The following GOLIM4 variants were observed in gnomAD, a reference collection of about 807,000 sequenced individuals.
GOLIM4 encodes golgi integral membrane protein 4.
In GOLIM4, 71 loss-of-function variants were observed where a neutral mutation model predicts 107.4. The observed-to-expected ratio is 0.66, with a 90% confidence interval of 0.55 to 0.81. The LOEUF is 0.81. Among genes scored for constraint, GOLIM4 ranks in the 30% least tolerant of loss-of-function variants. The pLI is 0.00. For synonymous variants in GOLIM4, 327 were observed against 294.8 expected (o/e 1.11, Z -1.12); for missense variants, 830 against 826.1 (o/e 1.00, Z -0.06).
intron 1 of GOLIM4, among the ~76,000 whole-genome samples, chr3:168,065,322 A>G (rs1418508508): frequency 6.6e-6 from 1 of 152,236 alleles, no homozygotes; most frequent in African/African-American, 2.4e-5. Flanking sequence ...GAGAGGAAAG[A>G]TTCAGTTTAG....
In GOLIM4 at chr3:168,052,636, C is replaced by T. The variant is rs920545517; in HGVS notation, c.188-4271G>A. Among the ~76,000 whole-genome samples, 3 of 152,268 alleles carry T rather than the reference C, an allele frequency of 2.0e-5. No individual in the cohort carries two copies. In the South Asian group the frequency reaches 6.2e-4, roughly 32 times the overall value. ...TTTTAGAAAACTTCACTATTAAGCA[C>T]ATACACACACATACGCACTACCTTT... On this transcript the variant is annotated intron_variant, in intron 1 of 15. Coordinates refer to ENST00000470487, the MANE Select transcript of GOLIM4 (RefSeq NM_014498.5).
chr3:168,078,171 AT>A (rs1721161342), intron 1 of GOLIM4, among the ~76,000 whole-genome samples: 1 of 152,138 alleles, frequency 6.6e-6, no homozygotes, highest in South Asian at 2.1e-4. Context: ...TTTGAATATA[AT>A]GAATAGACCT....
At chr3:168,058,843 G>A (rs1204236125) in intron 1 of GOLIM4, among the ~76,000 whole-genome samples, 2 of 152,106 alleles carry the variant, frequency 1.3e-5, no homozygotes, top group Admixed American at 6.5e-5. Context: ...CACAGTAATA[G>A]AAATAAAAGT....
At chr3:168,022,135 T>C (rs1717728547) in intron 14 of GOLIM4, among the ~76,000 whole-genome samples, 1 of 152,126 alleles carries the variant, frequency 6.6e-6, no homozygotes, top group Non-Finnish European at 1.5e-5. Flanking sequence ...TGGGTCCTCT[T>C]AGAGGCCAAG....
chr3:168,031,003 A>G (rs1160684834), intron 9 of GOLIM4, among the ~76,000 whole-genome samples: 1 of 152,252 alleles, frequency 6.6e-6, no homozygotes, highest in Non-Finnish European at 1.5e-5. Context: ...AATGTGGTAC[A>G]TATACACAGT....
At chr3:168,088,072 G>C (rs979741219) in intron 1 of GOLIM4, among the ~76,000 whole-genome samples, 1 of 151,962 alleles carries the variant, frequency 6.6e-6, no homozygotes, top group Non-Finnish European at 1.5e-5. Flanking sequence ...ACCATCTACT[G>C]GCAAAAGTAG....
chr3:168,095,337 G>A lies in GOLIM4; in HGVS notation c.-52C>T, dbSNP rs908695895. Reference sequence around the variant, plus strand: ...CCGCCCCCGCCGTCTCCTCCCCTTGGTCCGAGCGAGCGTCTCAGCAGCGGC... The same window carrying A: ...CCGCCCCCGCCGTCTCCTCCCCTTGATCCGAGCGAGCGTCTCAGCAGCGGC... On this transcript the variant is annotated 5_prime_UTR_variant, in exon 1 of 16. Transcript: ENST00000470487. 1.3e-6 allele frequency: 2 copies of A among 1,532,142 alleles called. No individual in the cohort carries two copies. Among genetic ancestry groups the A allele is most frequent in the East Asian group, 2.4e-5 (1 of 42,444 alleles). The allele number at this position is 1,532,142 out of a possible 1,614,324, so 94.9% of individuals were successfully genotyped here. A position where few individuals can be genotyped will look rare whatever the true frequency, so the allele number is the denominator to read the frequency against.
chr3:168,095,158 G>C lies in GOLIM4; in HGVS notation c.128C>G (p.Ala43Gly), dbSNP rs753118339. The change falls in exon 1 of 16, where the codon GCC (alanine) becomes GGC (glycine). Residue 43 changes from alanine (A) to glycine (G), a missense_variant. Ala to Gly is a moderately conservative substitution (Grantham distance 60). Transcript: ENST00000470487. ...CTGGTACTTGAGCGCCACCGCCTCG[G>C]CTTTCCGCAGCTGCGTCTGCAGCTC... ...YYELQTQLRK[A>G]EAVALKYQQH... The C allele has an allele frequency of 1.7e-5, 27 of 1,612,026 alleles. No individual in the cohort carries two copies. The highest frequency in any genetic ancestry group is 2.1e-5 in the Non-Finnish European group (25 of 1,178,634).
At chr3:168,057,106 G>A (rs1383726688) in intron 1 of GOLIM4, among the ~76,000 whole-genome samples, 7 of 152,040 alleles carry the variant, frequency 4.6e-5, no homozygotes, top group South Asian at 2.1e-4. Flanking sequence ...TTCTCATGAC[G>A]GTGAATAAGT....
chr3:168,037,369 C>A (rs1176923525), intron 7 of GOLIM4, among the ~76,000 whole-genome samples: 1 of 151,928 alleles, frequency 6.6e-6, no homozygotes, highest in Non-Finnish European at 1.5e-5. Flanking sequence ...AATACAAGTG[C>A]AAATACCTTT....
chr3:168,053,829 A>G (rs1193849641), intron 1 of GOLIM4, among the ~76,000 whole-genome samples: 1 of 152,202 alleles, frequency 6.6e-6, no homozygotes, highest in African/African-American at 2.4e-5. Flanking sequence ...TCCTTCTTCC[A>G]TAATTTTACC....
chr3:168,024,197 T>C (rs1717868047), intron 14 of GOLIM4, among the ~76,000 whole-genome samples: 1 of 152,170 alleles, frequency 6.6e-6, no homozygotes, highest in Non-Finnish European at 1.5e-5. Flanking sequence ...ATTCCCTCAA[T>C]GTGCAGAGGG....
At chr3:168,091,082 A>C (rs1336172095) in intron 1 of GOLIM4, among the ~76,000 whole-genome samples, 1 of 152,202 alleles carries the variant, frequency 6.6e-6, no homozygotes, top group Non-Finnish European at 1.5e-5. Context: ...CTTTGGGTGC[A>C]CTGAAAGCCC....
intron 10 of GOLIM4, 74 bp downstream of exon 10, chr3:168,029,706 C>T: frequency 6.4e-7 from 1 of 1,553,674 alleles, no homozygotes; most frequent in Non-Finnish European, 8.7e-7. Context: ...CACAAATGCA[C>T]AAAACTGTTT....
intron 14 of GOLIM4, among the ~76,000 whole-genome samples, chr3:168,021,867 TTAATC>T (rs1263836082): frequency 6.6e-6 from 1 of 152,158 alleles, no homozygotes; most frequent in African/African-American, 2.4e-5. Flanking sequence ...TCTTGGTCAT[TTAATC>T]TATATATTTT....
intron 1 of GOLIM4, among the ~76,000 whole-genome samples, chr3:168,063,381 T>C (rs1433057278): frequency 6.6e-6 from 1 of 152,192 alleles, no homozygotes; most frequent in East Asian, 1.9e-4. Context: ...AAGTATACTT[T>C]TTTTAAGATT....
chr3:168,036,950 C>A lies in GOLIM4; in HGVS notation c.729G>T (p.Arg243Ser). Residue 243 changes from arginine (R) to serine (S), a missense_variant, in exon 8 of 16, where the codon AGG (arginine) becomes AGT (serine). Physicochemically the swap from Arg to Ser is moderately radical, Grantham distance 110 (BLOSUM62 -1). Transcript: ENST00000470487. ...GATCAGGTTTTCGAAGGCTTGGAATCCTATTCAGAGTATCTTTCAGTTGTT... is the reference window on the plus strand; with the variant it reads ...GATCAGGTTTTCGAAGGCTTGGAATACTATTCAGAGTATCTTTCAGTTGTT... ...EYKQLKDTLNRIPSLRKPDPA... is the reference protein window; with the variant it reads ...EYKQLKDTLNSIPSLRKPDPA... The A allele has an allele frequency of 1.2e-6, 2 of 1,613,578 alleles. No individual in the cohort carries two copies. The highest frequency in any genetic ancestry group is 1.7e-6 in the Non-Finnish European group (2 of 1,179,546).
intron 8 of GOLIM4, among the ~76,000 whole-genome samples, chr3:168,035,548 C>T (rs565401364): frequency 6.6e-6 from 1 of 152,282 alleles, no homozygotes; most frequent in Non-Finnish European, 1.5e-5. Flanking sequence ...AACACAGGAA[C>T]AGAAAGTCAA....
At chr3:168,053,259 A>C (rs1719752854) in intron 1 of GOLIM4, among the ~76,000 whole-genome samples, 1 of 152,238 alleles carries the variant, frequency 6.6e-6, no homozygotes. Flanking sequence ...ATAATCAGAA[A>C]GCAACACTCC....
Sources: allele counts gnomAD v4.1 joint callset (sites outside exome capture counted in the v4.1 genomes callset), GRCh38; gene constraint gnomAD v4.1.1; transcripts MANE v1.5; gene names NCBI Gene and HGNC (gene_info 2026-07-23, HGNC 2026-07-21).